DLGAP1: variants seen among roughly 807,000 people sequenced by gnomAD.
DLGAP1 encodes the protein DLG associated protein 1, also known as disks large-associated protein 1.
Under a neutral mutation model 90.8 loss-of-function variants are expected in DLGAP1, and 11 were observed. The observed-to-expected ratio is 0.12, with a 90% CI of 0.08 to 0.20. The LOEUF is 0.20. DLGAP1 is among the 10% of genes least tolerant of loss of function. The pLI is 1.00. For synonymous variants in DLGAP1, 558 were observed against 540.7 expected (o/e 1.03, Z -0.44); for missense variants, 1,050 against 1,333.8 (o/e 0.79, Z 3.31).
At chr18:4,241,925 G>T (rs2078543512) in intron 1 of DLGAP1, among the ~76,000 whole-genome samples, 1 of 152,050 alleles carries the variant, frequency 6.6e-6, no homozygotes, top group African/African-American at 2.4e-5. Context: ...TATTTATCAT[G>T]TACCACATGT....
chr18:3,585,602 C>T (rs1321538891), intron 7 of DLGAP1, among the ~76,000 whole-genome samples: 1 of 152,186 alleles, frequency 6.6e-6, no homozygotes, highest in Non-Finnish European at 1.5e-5. Flanking sequence ...TTATGTATTG[C>T]TTCTTGTTAG....
intron 3 of DLGAP1, among the ~76,000 whole-genome samples, chr18:3,886,306 T>C (rs891770651): frequency 3.3e-5 from 5 of 152,206 alleles, no homozygotes; most frequent in Admixed American, 6.5e-5. Flanking sequence ...TACCTAGTCA[T>C]GTATATATTT....
chr18:3,833,130 A>ATTCATTCCTTCCTTCC (rs2068127110), intron 4 of DLGAP1, among the ~76,000 whole-genome samples: 1 of 107,402 alleles, frequency 9.3e-6, no homozygotes, highest in African/African-American at 3.6e-5. Context: ...GAATTATAAG[A>ATTCATTCCTTCCTTCC]TTCCTTCCTT....
intron 5 of DLGAP1, among the ~76,000 whole-genome samples, chr18:3,800,482 T>C (rs1027783186): frequency 6.6e-6 from 1 of 152,180 alleles, no homozygotes; most frequent in Non-Finnish European, 1.5e-5. Flanking sequence ...CCCACAAGCA[T>C]TTATATAAAA....
chr18:4,265,663 C>CCCTT (rs551164051), intron 1 of DLGAP1, among the ~76,000 whole-genome samples: 3,268 of 54,160 alleles, frequency 0.06, 219 homozygotes, highest in Admixed American at 0.07. Flanking sequence ...CTCCCTCCCT[C>CCCTT]CCTTCCTTCC....
At chr18:3,992,169 C>T (rs1250726539) in intron 3 of DLGAP1, among the ~76,000 whole-genome samples, 5 of 152,106 alleles carry the variant, frequency 3.3e-5, no homozygotes, top group Admixed American at 2.6e-4. Flanking sequence ...TTGGTTTACT[C>T]ATATTGGTCC....
At chr18:3,751,112 C>G (rs952910590) in intron 5 of DLGAP1, among the ~76,000 whole-genome samples, 2 of 152,216 alleles carry the variant, frequency 1.3e-5, no homozygotes, top group Non-Finnish European at 2.9e-5. Context: ...CAGTGGTACA[C>G]TGGCACTTAA....
chr18:3,548,117 T>C (rs1454440717), intron 9 of DLGAP1, among the ~76,000 whole-genome samples: 2 of 152,186 alleles, frequency 1.3e-5, no homozygotes, highest in Non-Finnish European at 2.9e-5. Context: ...TGAGTACTAA[T>C]GGGTATGAGA....
intron 8 of DLGAP1, among the ~76,000 whole-genome samples, chr18:3,570,212 A>G (rs1377375209): frequency 2.0e-5 from 3 of 151,986 alleles, no homozygotes; most frequent in Non-Finnish European, 4.4e-5. Context: ...TAAGTGACAT[A>G]CATATAAAGA....
chr18:4,382,743 A>T (rs2082155140), intron 1 of DLGAP1, among the ~76,000 whole-genome samples: 1 of 152,156 alleles, frequency 6.6e-6, no homozygotes, highest in Admixed American at 6.6e-5. Flanking sequence ...CCTTTCCTGT[A>T]TTCTTTGTTT....
chr18:4,042,813 CTTTTAAT>C (rs2074996072), intron 2 of DLGAP1, among the ~76,000 whole-genome samples: 1 of 152,152 alleles, frequency 6.6e-6, no homozygotes, highest in African/African-American at 2.4e-5. Flanking sequence ...TATATCACTT[CTTTTAAT>C]TTTTAATAGT....
At chr18:4,192,768 G>A (rs1598589948) in intron 1 of DLGAP1, among the ~76,000 whole-genome samples, 1 of 152,306 alleles carries the variant, frequency 6.6e-6, no homozygotes, top group Admixed American at 6.5e-5. Context: ...TGGATCTGCA[G>A]ACTAGAGGTG....
intron 2 of DLGAP1, among the ~76,000 whole-genome samples, chr18:4,072,584 C>T (rs1377656632): frequency 6.6e-6 from 1 of 152,042 alleles, no homozygotes; most frequent in Non-Finnish European, 1.5e-5. Context: ...ATTCTTCTGC[C>T]TCAGCCTCCA....
chr18:3,951,653 T>C (rs1355614678), intron 3 of DLGAP1, among the ~76,000 whole-genome samples: 1 of 152,206 alleles, frequency 6.6e-6, no homozygotes, highest in African/African-American at 2.4e-5. Flanking sequence ...TGAATTGTAA[T>C]TCCTACGTGT....
intron 5 of DLGAP1, among the ~76,000 whole-genome samples, chr18:3,780,145 T>G (rs1029847433): frequency 6.6e-6 from 1 of 152,176 alleles, no homozygotes; most frequent in African/African-American, 2.4e-5. Flanking sequence ...TTACAAAATA[T>G]AGACATGCTC....
intron 1 of DLGAP1, among the ~76,000 whole-genome samples, chr18:4,385,573 A>T (rs2082214013): frequency 6.6e-6 from 1 of 152,132 alleles, no homozygotes; most frequent in South Asian, 2.1e-4. Flanking sequence ...ACATTATATA[A>T]ATAAATAAAA....
chr18:4,330,518 CTAAT>C lies in DLGAP1; in HGVS notation c.-267+124484_-267+124487del, dbSNP rs758762631. Among the ~76,000 whole-genome samples, 83 of 151,788 alleles carry C rather than the reference CTAAT, an allele frequency of 5.5e-4. 1 individual carries two copies. Among genetic ancestry groups the C allele is most frequent in the Admixed American group, 1.2e-3 (18 of 15,250 alleles). On this transcript the variant is annotated intron_variant, in intron 1 of 12. Transcript: ENST00000315677. ...AAGCAATTAGTGCAAAAATATTTCT[CTAAT>C]TATTGTTTAGCTGTTTTTTACCCAT...
chr18:3,522,875 A>G (rs549269784), intron 10 of DLGAP1, among the ~76,000 whole-genome samples: 1 of 152,258 alleles, frequency 6.6e-6, no homozygotes, highest in South Asian at 2.1e-4. Context: ...GGGCACCAAG[A>G]GGATACAATG....
rs16945001 is a variant in DLGAP1 at position 3,526,777 on chromosome 18, T to C, written c.2479+7417A>G. Among the ~76,000 whole-genome samples, 18,813 of 152,132 alleles carry C rather than the reference T, an allele frequency of 0.12. 1,325 individuals are homozygous for C. Among genetic ancestry groups the C allele is most frequent in the East Asian group, 0.35 (1,827 of 5,164 alleles). ...GGTCGTTTCATCCCCGGTTAGATAA[T>C]ACCAGACGTATCTATGTAACATACA... On this transcript the variant is annotated intron_variant, in intron 10 of 12. Transcript: ENST00000315677. This position sits in a 1 kb window ranked among gnomAD's most constrained non-coding sequence, Gnocchi z 4.7.
Sources: gnomAD v4.1 joint callset for allele counts (sites outside exome capture counted in the v4.1 genomes callset) on GRCh38, gnomAD v4.1.1 for gene constraint, Gnocchi (gnomAD v3.1) non-coding constraint, MANE v1.5 for transcripts, NCBI Gene and HGNC (gene_info 2026-07-23, HGNC 2026-07-21) for gene names.